SLC25A33: variants seen among roughly 807,000 people sequenced by gnomAD.
The protein encoded by SLC25A33 is solute carrier family 25 member 33, also known as bone marrow stromal cell mitochondrial carrier protein.
SLC25A33 carries 15 observed loss-of-function variants against 35.5 expected under a neutral mutation model. The ratio of observed to expected loss-of-function variants is 0.42; its 90% CI spans 0.28 to 0.65. The LOEUF is 0.65. Ranked by LOEUF, SLC25A33 falls within the 30% of genes least tolerant of loss-of-function variation. SLC25A33 has a pLI of 0.20. For synonymous variants in SLC25A33, 136 were observed against 148.7 expected (o/e 0.91, Z 0.62); for missense variants, 257 against 398.5 (o/e 0.64, Z 3.02).
intron 2 of SLC25A33, among the ~76,000 whole-genome samples, chr1:9,563,171 G>C (rs998906196): frequency 1.3e-5 from 2 of 152,006 alleles, no homozygotes; most frequent in Admixed American, 1.3e-4. Context: ...TGATCCGCCC[G>C]CCTCGGCCTC....
Position 9,553,739 on chromosome 1 carries a change from G to C in SLC25A33, c.170G>C (p.Gly57Ala). 6.2e-7 allele frequency: 1 copy of C among 1,614,132 alleles called. No individual in the cohort carries two copies. Among genetic ancestry groups the C allele is most frequent in the Non-Finnish European group, 8.5e-7 (1 of 1,180,040 alleles). The part of the protein sequence containing the change: ...RTVYYPQVHL[G>A]TISGAGMVRP... The stretch of plus-strand genomic sequence containing the variant: ...GTCTACTATCCTCAGGTTCATCTGG[G>C]GACCATTAGTGGAGCTGGAATGGTG... Residue 57 changes from glycine (G) to alanine (A), a missense_variant, in exon 2 of 7, where the codon GGG (glycine) becomes GCG (alanine). Coordinates refer to ENST00000302692, the MANE Select transcript of SLC25A33 (RefSeq NM_032315.3).
intron 1 of SLC25A33, among the ~76,000 whole-genome samples, chr1:9,548,967 G>C (rs1225100701): frequency 4.6e-5 from 7 of 152,158 alleles, no homozygotes; most frequent in African/African-American, 1.7e-4. Context: ...TGGGCAGAGA[G>C]GATTTTACTA....
Position 9,582,612 on chromosome 1 carries a change from A to G in SLC25A33, c.*111A>G. 9.9e-7 allele frequency: 1 copy of G among 1,015,136 alleles called. No homozygotes were observed. Among genetic ancestry groups the G allele is most frequent in the Non-Finnish European group, 1.4e-6 (1 of 700,208 alleles). 62.9% of individuals were successfully genotyped at this position (1,015,136 alleles called of 1,614,324 possible). ...ACTGAAACAGGAAAGGCCATAAAATATCTGGTTCATATCACCTGTTGGACA... is the reference window on the plus strand; with the variant it reads ...ACTGAAACAGGAAAGGCCATAAAATGTCTGGTTCATATCACCTGTTGGACA... On this transcript the variant is annotated 3_prime_UTR_variant, in exon 7 of 7. Coordinates refer to ENST00000302692, the MANE Select transcript of SLC25A33 (RefSeq NM_032315.3). This position sits in a 1 kb window ranked among gnomAD's most constrained non-coding sequence, Gnocchi z 4.0.
rs1643044646 is a variant in SLC25A33, at chr1:9,539,639, CCGCCACGCGCTCTCGCCACCGG to C, written c.-52_-31del. ...CCGGCGACCTCGCGCATCCCTCGAG[CCGCCACGCGCTCTCGCCACCGG>C]GCGGCGACGGGCCGCGGAGCCGGCG... On this transcript the variant is annotated 5_prime_UTR_variant, in exon 1 of 7. Coordinates refer to ENST00000302692, the MANE Select transcript of SLC25A33 (RefSeq NM_032315.3). 4.6e-6 allele frequency: 6 copies of C among 1,298,452 alleles called. No individual in the cohort carries two copies. The Admixed American group carries it at 2.5e-4, about 53-fold the overall frequency. The allele number at this position is 1,298,452 out of a possible 1,614,324, so 80.4% of individuals were successfully genotyped here. A position where few individuals can be genotyped will look rare whatever the true frequency, so the allele number is the denominator to read the frequency against.
rs1424997584 is a variant in SLC25A33 at position 9,548,847 on chromosome 1, G to C, written c.57-4779G>C. Among the ~76,000 whole-genome samples the C allele has an allele frequency of 2.0e-5, 3 of 152,316 alleles. No individual in the cohort carries two copies. In the East Asian group the frequency reaches 5.8e-4, roughly 29 times the overall value. On this transcript the variant is annotated intron_variant, in intron 1 of 6. Transcript: ENST00000302692. ...GCACTGGCTACTGGAGCCCTCAGAT[G>C]AACCAAGAGGATCCTAGTCTAAGAC...
At chr1:9,571,593 A>G (rs1025603935) in intron 4 of SLC25A33, among the ~76,000 whole-genome samples, 2 of 151,228 alleles carry the variant, frequency 1.3e-5, no homozygotes, top group Admixed American at 6.6e-5. Context: ...GCTCTTTTGT[A>G]TAGAGTTCTA....
chr1:9,572,953 A>T (rs990127847), intron 4 of SLC25A33, among the ~76,000 whole-genome samples: 7 of 152,172 alleles, frequency 4.6e-5, no homozygotes, highest in African/African-American at 1.7e-4. Context: ...ATACTCACCA[A>T]ATGGTTATCA....
At chr1:9,573,177 A>G (rs972078022) in intron 4 of SLC25A33, among the ~76,000 whole-genome samples, 169 bp from the exon 5 acceptor site, 2 of 152,196 alleles carry the variant, frequency 1.3e-5, no homozygotes, top group East Asian at 3.8e-4. Flanking sequence ...GTTACACTTA[A>G]TGGGGAAACT....
chr1:9,582,676 C>CATTAACT lies in SLC25A33; in HGVS notation c.*181_*182insTATTAAC. 1.6e-6 allele frequency: 1 copy of CATTAACT among 643,322 alleles called. No individual in the cohort carries two copies. Among genetic ancestry groups the CATTAACT allele is most frequent in the Non-Finnish European group, 2.6e-6 (1 of 383,368 alleles). The allele number at this position is 643,322 out of a possible 1,614,324, so 39.9% of individuals were successfully genotyped here. A position where few individuals can be genotyped will look rare whatever the true frequency, so the allele number is the denominator to read the frequency against. ...TCATGCTTTCTGGAAGGTTTAAATT[C>CATTAACT]ATTAACGTTAATAGTTAATTATAAC... On this transcript the variant is annotated 3_prime_UTR_variant, in exon 7 of 7. Coordinates refer to ENST00000302692, the MANE Select transcript of SLC25A33 (RefSeq NM_032315.3). The surrounding 1 kb of genome is among the most constrained non-coding windows in gnomAD (Gnocchi z 4.0).
In SLC25A33 at chr1:9,582,516, G is replaced by A; in HGVS notation, c.*15G>A. ...GTACTCAGTAACAGGCCGGAAAATT[G>A]TGCTCTAGAAGAATAAAACTGAAAA... On this transcript the variant is annotated 3_prime_UTR_variant, in exon 7 of 7. Transcript: ENST00000302692. This position sits in a 1 kb window ranked among gnomAD's most constrained non-coding sequence, Gnocchi z 4.0. The A allele has an allele frequency of 6.2e-7, 1 of 1,601,352 alleles. No homozygotes were observed. Among genetic ancestry groups the A allele is most frequent in the Non-Finnish European group, 8.5e-7 (1 of 1,172,320 alleles).
chr1:9,564,739 A>AATATAT (rs70979762), intron 2 of SLC25A33, among the ~76,000 whole-genome samples: 72 of 96,522 alleles, frequency 7.5e-4, no homozygotes, highest in African/African-American at 2.5e-3. Context: ...AAAAAAAAAA[A>AATATAT]ATATATATAT....
At chr1:9,557,567 G>A (rs1643361796) in intron 2 of SLC25A33, among the ~76,000 whole-genome samples, 1 of 151,904 alleles carries the variant, frequency 6.6e-6, no homozygotes, top group African/African-American at 2.4e-5. Flanking sequence ...GGGCATGTTG[G>A]CGTGCACCTA....
rs774716335 is a variant in SLC25A33 at position 9,553,660 on chromosome 1, C to G, written c.91C>G (p.Pro31Ala). 1.2e-6 allele frequency: 2 copies of G among 1,613,832 alleles called. No homozygotes were observed. The highest frequency in any genetic ancestry group is 1.7e-6 in the Non-Finnish European group (2 of 1,180,032). The change falls in exon 2 of 7, where the codon CCA becomes GCA. Residue 31 changes from proline to alanine, a missense_variant. By Grantham distance (27) the Pro-to-Ala change is conservative. Coordinates refer to ENST00000302692, the MANE Select transcript of SLC25A33 (RefSeq NM_032315.3). Reference sequence around the variant, plus strand: ...CACAGTTGGTGCTATTTTCACTTGTCCACTAGAAGTCATTAAGACACGGTT... The same window carrying G: ...CACAGTTGGTGCTATTTTCACTTGTGCACTAGAAGTCATTAAGACACGGTT... ...GGTVGAIFTC[P>A]LEVIKTRLQS...
chr1:9,553,350 G>A (rs868456244), intron 1 of SLC25A33, among the ~76,000 whole-genome samples: 33 of 150,260 alleles, frequency 2.2e-4, no homozygotes, highest in Middle Eastern at 3.4e-3. Context: ...TCAGCCTCCC[G>A]AGTAGCTGGG....
At chr1:9,576,227 C>T (rs1266906633) in intron 5 of SLC25A33, among the ~76,000 whole-genome samples, 3 of 152,150 alleles carry the variant, frequency 2.0e-5, no homozygotes, top group Non-Finnish European at 4.4e-5. Flanking sequence ...TAAGACCTAG[C>T]TTCTAGGAAC....
chr1:9,582,224 A>G lies in SLC25A33; in HGVS notation c.764-75A>G, dbSNP rs1305540765. The G allele has an allele frequency of 3.7e-5, 57 of 1,527,550 alleles. No homozygotes were observed. Among genetic ancestry groups the G allele is most frequent in the Non-Finnish European group, 4.8e-5 (53 of 1,103,472 alleles). 94.6% of individuals were successfully genotyped at this position (1,527,550 alleles called of 1,614,324 possible). On this transcript the variant is annotated intron_variant, in intron 6 of 6. Coordinates refer to ENST00000302692, the MANE Select transcript of SLC25A33 (RefSeq NM_032315.3). This position sits in a 1 kb window ranked among gnomAD's most constrained non-coding sequence, Gnocchi z 4.0. ...CCACCGCACCCGGCCTAACCTTGAC[A>G]GTTTTAAAGTTGTGTGCTGTGGATT...
rs543762743 is a variant in SLC25A33 at position 9,581,787 on chromosome 1, T to C, written c.764-512T>C. Among the ~76,000 whole-genome samples, 165 of 152,242 alleles carry C rather than the reference T, an allele frequency of 1.1e-3. 2 individuals are homozygous for C. The South Asian group carries it at 0.02, about 18-fold the overall frequency. On this transcript the variant is annotated intron_variant, in intron 6 of 6. Coordinates refer to ENST00000302692, the MANE Select transcript of SLC25A33 (RefSeq NM_032315.3). ...TCGTGTATGTGTAAGTGTCCATAGTTGACCAAATCCTAGAGTTGGAAAAGG... is the reference window on the plus strand; with the variant it reads ...TCGTGTATGTGTAAGTGTCCATAGTCGACCAAATCCTAGAGTTGGAAAAGG...
intron 4 of SLC25A33, among the ~76,000 whole-genome samples, chr1:9,571,830 G>A (rs1377015656): frequency 2.0e-5 from 3 of 152,072 alleles, no homozygotes. Context: ...TTGTAGAAAT[G>A]GAGTTTAACC....
chr1:9,577,185 C>T (rs1273668387), intron 5 of SLC25A33, among the ~76,000 whole-genome samples: 3 of 152,088 alleles, frequency 2.0e-5, no homozygotes, highest in Admixed American at 6.6e-5. Flanking sequence ...AGGCTGGACT[C>T]GGTGCCTCAC....
Sources: allele counts gnomAD v4.1 joint callset (sites outside exome capture counted in the v4.1 genomes callset), GRCh38; gene constraint gnomAD v4.1.1; non-coding constraint Gnocchi (gnomAD v3.1); transcripts MANE v1.5; gene names NCBI Gene and HGNC (gene_info 2026-07-23, HGNC 2026-07-21).